The following SSX3 variants were observed in gnomAD, a reference collection of about 807,000 sequenced individuals.
SSX3 encodes the protein protein SSX3.
Under a neutral mutation model 14.8 loss-of-function variants are expected in SSX3, and 6 were observed. The ratio of observed to expected loss-of-function variants is 0.41; its 90% CI spans 0.22 to 0.80. SSX3 has a LOEUF of 0.80. Ranked by LOEUF, SSX3 falls within the 30% of genes least tolerant of loss-of-function variation. The probability of loss-of-function intolerance (pLI) is 0.34; values close to 1 mark genes in which losing one functional copy is unlikely to be tolerated. For synonymous variants in SSX3, 55 were observed against 52.9 expected (o/e 1.04, Z -0.18); for missense variants, 163 against 152.2 (o/e 1.07, Z -0.37).
At chrX:48,348,399 C>T (rs2061247520) in intron 6 of SSX3, 1 of 519,765 alleles carries the variant, frequency 1.9e-6, no homozygotes, top group African/African-American at 2.3e-5. Context: ...GACTGCTCCA[C>T]CGATGAGCTG....
intron 4 of SSX3, 124 bp downstream of exon 4, chrX:48,353,873 ATT>A: frequency 1.6e-6 from 1 of 618,003 alleles, no homozygotes. Flanking sequence ...TCTGCATGCA[ATT>A]TTTTTTTTCA....
chrX:48,350,806 G>T (rs1322467309), intron 5 of SSX3, among the ~76,000 whole-genome samples: 4 of 97,535 alleles, frequency 4.1e-5, no homozygotes, highest in African/African-American at 1.6e-4. Context: ...GAGTCTTGCT[G>T]TGTCGCCAGA....
At chrX:48,355,664 G>A (rs1444705636) in intron 1 of SSX3, among the ~76,000 whole-genome samples, 1 of 111,259 alleles carries the variant, frequency 9.0e-6, no homozygotes, top group Non-Finnish European at 1.9e-5. Context: ...ATAAAGGAAG[G>A]GAAGTTAGTC....
At chrX:48,356,389 C>G (rs1556951105) in intron 1 of SSX3, among the ~76,000 whole-genome samples, 1 of 110,826 alleles carries the variant, frequency 9.0e-6, no homozygotes, top group Non-Finnish European at 1.9e-5. Flanking sequence ...GCAGGGATTA[C>G]AAGTGTAAGC....
chrX:48,352,202 TAG>T (rs781808390), intron 4 of SSX3, 53 bp from the exon 5 acceptor site: 13 of 1,154,847 alleles, frequency 1.1e-5, no homozygotes, highest in African/African-American at 1.8e-5. Flanking sequence ...TTCCAAACTC[TAG>T]AGAGACTTCT....
At chrX:48,347,822 C>G (rs1601979452) in intron 6 of SSX3, among the ~76,000 whole-genome samples, 1 of 112,536 alleles carries the variant, frequency 8.9e-6, no homozygotes, top group East Asian at 2.8e-4. Context: ...TCCTTCCCTT[C>G]TCAGGCTTAG....
intron 6 of SSX3, among the ~76,000 whole-genome samples, chrX:48,347,838 C>A (rs1169041096): frequency 8.9e-6 from 1 of 112,316 alleles, no homozygotes; most frequent in East Asian, 2.8e-4. Context: ...CTTAGATTCC[C>A]AACCTCTTCA....
chrX:48,355,035 A>T, intron 2 of SSX3, 146 bp downstream of exon 2: 2 of 1,203,236 alleles, frequency 1.7e-6, no homozygotes, highest in Non-Finnish European at 2.2e-6. Context: ...GTGATGACAG[A>T]GTGAGGGTGG....
chrX:48,355,255 A>C lies in SSX3; in HGVS notation c.-6T>G, dbSNP rs782733385. ...AAGGTGTCATCTCCGTTCATGGCAC[A>C]GGGAGTAGTCTGACCTGCAAGAGAA... is the stretch of plus-strand genomic sequence containing the variant. On this transcript the variant is annotated 5_prime_UTR_variant, in exon 2 of 8. Transcript: ENST00000298396. The C allele has an allele frequency of 1.6e-5, 19 of 1,208,600 alleles. No homozygotes were observed. The highest frequency in any genetic ancestry group is 1.8e-5 in the South Asian group (1 of 56,721).
rs1454163125 is a variant in SSX3 at position 48,346,531 on chromosome X, C to T, written c.*509G>A. ...CAGAGTGAGGGAAGCCTGACCAGGA[C>T]GCATGGCAATGGGAAAAGCAGATGG... is the stretch of plus-strand genomic sequence containing the variant. On this transcript the variant is annotated 3_prime_UTR_variant, in exon 8 of 8. Transcript: ENST00000298396. 2.1e-5 allele frequency: 5 copies of T among 240,595 alleles called. No individual in the cohort carries two copies. Among genetic ancestry groups the T allele is most frequent in the Admixed American group, 6.6e-5 (1 of 15,193 alleles). 19.8% of individuals were successfully genotyped at this position (240,595 alleles called of 1,213,427 possible).
intron 4 of SSX3, among the ~76,000 whole-genome samples, chrX:48,352,473 G>A (rs1250970326): frequency 8.9e-6 from 1 of 112,541 alleles, no homozygotes; most frequent in Non-Finnish European, 1.9e-5. Context: ...CACTCAAGAT[G>A]TGCAACAACT....
At chrX:48,352,793 T>A (rs1222451835) in intron 4 of SSX3, among the ~76,000 whole-genome samples, 1 of 111,772 alleles carries the variant, frequency 8.9e-6, no homozygotes, top group African/African-American at 3.2e-5. Flanking sequence ...AATACATATG[T>A]CCCCTTTATT....
Position 48,347,620 on chromosome X carries a change from G to C in SSX3, c.467-16C>G. The C allele has an allele frequency of 8.3e-7, 1 of 1,209,420 alleles. No homozygotes were observed. Among genetic ancestry groups the C allele is most frequent in the Non-Finnish European group, 1.1e-6 (1 of 894,715 alleles). On this transcript the variant is annotated splice_polypyrimidine_tract_variant and intron_variant, in intron 6 of 7. Coordinates refer to ENST00000298396, the MANE Select transcript of SSX3 (RefSeq NM_021014.4). ...CTTTTGGGTCCTATGATGGAGAATA[G>C]TTGGAAAGTGAGGGTTGGGTAGGTT...
intron 1 of SSX3, 41 bp from the exon 2 acceptor site, chrX:48,355,310 T>C: frequency 8.7e-7 from 1 of 1,148,574 alleles, no homozygotes; most frequent in Non-Finnish European, 1.2e-6. Flanking sequence ...CCGCAGGACC[T>C]TTGGTCTTGT....
chrX:48,347,885 G>A (rs1556948848), intron 6 of SSX3, among the ~76,000 whole-genome samples: 1 of 111,947 alleles, frequency 8.9e-6, no homozygotes, highest in East Asian at 2.8e-4. Context: ...ATTTCATACA[G>A]CACGTATTTG....
chrX:48,352,049 T>C, intron 5 of SSX3, 51 bp downstream of exon 5: 1 of 1,181,737 alleles, frequency 8.5e-7, no homozygotes, highest in Non-Finnish European at 1.2e-6. Context: ...AGTGTTCGCA[T>C]CCTTGGAGGG....
At chrX:48,355,431 G>T (rs782049193) in intron 1 of SSX3, among the ~76,000 whole-genome samples, 162 bp from the exon 2 acceptor site, 2 of 111,273 alleles carry the variant, frequency 1.8e-5, no homozygotes, top group South Asian at 7.7e-4. Context: ...GAAATCAGAC[G>T]AAAACCAGGA....
Position 48,355,302 on chromosome X carries a change from G to T in SSX3, c.-20-33C>A, listed in dbSNP as rs782753901. 11 of 1,166,469 alleles carry T rather than the reference G, an allele frequency of 9.4e-6. No individual in the cohort carries two copies. In the Admixed American group the frequency reaches 2.4e-4, roughly 26 times the overall value. ...AGAAACAGATTGAGACTTTCCAGCC[G>T]CAGGACCTTTGGTCTTGTGGAGGGA... On this transcript the variant is annotated intron_variant, in intron 1 of 7. Transcript: ENST00000298396.
chrX:48,355,373 G>T, intron 1 of SSX3, 104 bp from the exon 2 acceptor site: 1 of 770,722 alleles, frequency 1.3e-6, no homozygotes, highest in Non-Finnish European at 1.9e-6. Context: ...ATCAGGTGCT[G>T]CATTTCTCCA....
Sources: allele counts gnomAD v4.1 joint callset (sites outside exome capture counted in the v4.1 genomes callset), GRCh38; gene constraint gnomAD v4.1.1; transcripts MANE v1.5; gene names NCBI Gene and HGNC (gene_info 2026-07-23, HGNC 2026-07-21).